HEMK2: variants seen among roughly 807,000 people sequenced by gnomAD.
HEMK2 encodes HemK methyltransferase 2, ETF1 glutamine and histone H4 lysine.
At chr21:28,627,204 T>C in the HEMK2 span, among the ~76,000 whole-genome samples, 1 of 152,226 alleles carries the variant, frequency 6.6e-6, no homozygotes, top group South Asian at 2.1e-4. Flanking sequence ...TCTATAAGGA[T>C]AGAGATCAGA....
the HEMK2 span, among the ~76,000 whole-genome samples, chr21:28,832,414 T>C: frequency 1.3e-5 from 2 of 152,180 alleles, no homozygotes; most frequent in Admixed American, 6.5e-5. Flanking sequence ...TCCATTACCA[T>C]TGATGTAAAT....
At chr21:28,882,900 C>T in the HEMK2 span, 1 of 935,686 alleles carries the variant, frequency 1.1e-6, no homozygotes, top group South Asian at 2.0e-5. Context: ...CTATAAGATA[C>T]ATACTGTCTC....
At chr21:28,755,163 T>G in the HEMK2 span, among the ~76,000 whole-genome samples, 1 of 152,076 alleles carries the variant, frequency 6.6e-6, no homozygotes, top group Non-Finnish European at 1.5e-5. Context: ...GGGATAGGAT[T>G]TTTCCAAAAT....
the HEMK2 span, among the ~76,000 whole-genome samples, chr21:28,630,372 A>G: frequency 8.5e-5 from 13 of 152,250 alleles, no homozygotes; most frequent in African/African-American, 3.1e-4. Flanking sequence ...TCAGTGTGGC[A>G]TTTCCTCAGG....
chr21:28,580,413 C>T, the HEMK2 span, among the ~76,000 whole-genome samples: 1 of 152,092 alleles, frequency 6.6e-6, no homozygotes, highest in Admixed American at 6.5e-5. Context: ...CAGGGCAGAG[C>T]TCTCCAACAA....
the HEMK2 span, among the ~76,000 whole-genome samples, chr21:28,614,624 A>AT: frequency 2.0e-5 from 3 of 152,278 alleles, no homozygotes; most frequent in African/African-American, 7.2e-5. Flanking sequence ...ACTAAATGAC[A>AT]TTTTTTGGAA....
the HEMK2 span, among the ~76,000 whole-genome samples, chr21:28,726,375 T>G: frequency 2.6e-5 from 4 of 152,156 alleles, no homozygotes; most frequent in African/African-American, 9.6e-5. Context: ...TGGGCGGGAC[T>G]GGTCTGATTT....
the HEMK2 span, among the ~76,000 whole-genome samples, chr21:28,883,783 C>T: frequency 2.0e-5 from 3 of 152,102 alleles, no homozygotes; most frequent in Non-Finnish European, 4.4e-5. Context: ...GCAGTGGTGC[C>T]ATCACAGCTC....
chr21:28,609,563 C>A, the HEMK2 span, among the ~76,000 whole-genome samples: 1 of 109,292 alleles, frequency 9.1e-6, no homozygotes. Context: ...CTCTGAATTG[C>A]CAGGAAAAAA....
the HEMK2 span, among the ~76,000 whole-genome samples, chr21:28,585,675 T>C: frequency 6.6e-6 from 1 of 152,064 alleles, no homozygotes; most frequent in Non-Finnish European, 1.5e-5. Context: ...AAAAAGAGTG[T>C]ATGGACAATA....
chr21:28,850,221 T>C, the HEMK2 span, among the ~76,000 whole-genome samples: 1 of 78,744 alleles, frequency 1.3e-5, no homozygotes, highest in Non-Finnish European at 2.3e-5. Flanking sequence ...AGCATTCTTT[T>C]TTTTTTTTTT....
At chr21:28,882,942 T>C in the HEMK2 span, 1 of 1,297,794 alleles carries the variant, frequency 7.7e-7, no homozygotes, top group East Asian at 2.4e-5. Flanking sequence ...GTTATCATAG[T>C]TAACCTGTCA....
the HEMK2 span, among the ~76,000 whole-genome samples, chr21:28,772,355 T>C: frequency 6.6e-6 from 1 of 152,166 alleles, no homozygotes; most frequent in African/African-American, 2.4e-5. Flanking sequence ...CTTTAAAATA[T>C]TATTATAAGA....
the HEMK2 span, among the ~76,000 whole-genome samples, chr21:28,588,360 TTGA>T: frequency 6.6e-6 from 1 of 152,144 alleles, no homozygotes; most frequent in Non-Finnish European, 1.5e-5. Context: ...TCCTTACATA[TTGA>T]TGGTTTATTC....
the HEMK2 span, among the ~76,000 whole-genome samples, chr21:28,822,517 G>T: frequency 6.6e-6 from 1 of 151,604 alleles, no homozygotes; most frequent in Non-Finnish European, 1.5e-5. Context: ...AATATGTAAG[G>T]AATTTCCCTA....
chr21:28,589,860 A>C, the HEMK2 span, among the ~76,000 whole-genome samples: 1 of 152,210 alleles, frequency 6.6e-6, no homozygotes, highest in Non-Finnish European at 1.5e-5. Context: ...AAAAAATTTC[A>C]CACCTGACCT....
the HEMK2 span, among the ~76,000 whole-genome samples, chr21:28,796,095 A>G: frequency 1.3e-5 from 2 of 152,188 alleles, no homozygotes; most frequent in African/African-American, 4.8e-5. Context: ...TTAAGAGACA[A>G]ACAGAAGAGT....
the HEMK2 span, among the ~76,000 whole-genome samples, chr21:28,660,432 T>G: frequency 6.6e-6 from 1 of 151,660 alleles, no homozygotes; most frequent in Non-Finnish European, 1.5e-5. Flanking sequence ...GGGTAACTCT[T>G]CTTTATCAGA....
chr21:28,694,743 G>A, the HEMK2 span, among the ~76,000 whole-genome samples: 4 of 152,100 alleles, frequency 2.6e-5, no homozygotes, highest in African/African-American at 9.7e-5. Flanking sequence ...TGTAATCCTA[G>A]CACTTTGGAA....
Sources: allele counts gnomAD v4.1 joint callset (sites outside exome capture counted in the v4.1 genomes callset), GRCh38; gene constraint gnomAD v4.1.1; transcripts MANE v1.5; gene names NCBI Gene and HGNC (gene_info 2026-07-23, HGNC 2026-07-21).